Variants in ZNF90 observed in about 807,000 individuals in gnomAD.
ZNF90 encodes the protein zinc finger protein 90, also known as zinc finger protein HTF9.
A neutral mutation model predicts 12.0 loss-of-function variants in ZNF90; 11 were observed. That is an observed-to-expected ratio of 0.92 (90% CI 0.58 to 1.52). The LOEUF is 1.52. Among genes scored for constraint, ZNF90 ranks in the 40% most tolerant of loss-of-function variants. The probability of loss-of-function intolerance (pLI) is 0.00; values close to 1 mark genes in which losing one functional copy is unlikely to be tolerated. For missense variants in ZNF90, 765 were observed against 711.5 expected (o/e 1.08, Z -0.86); for synonymous variants, 232 against 240.1 (o/e 0.97, Z 0.31).
At chr19:20,087,300 A>C (rs1047939276) in intron 1 of ZNF90, 1 of 152,314 alleles carries the variant, frequency 6.6e-6, no homozygotes, top group Non-Finnish European at 1.5e-5. Flanking sequence ...AATCTTGCTC[A>C]GATGGAGATA....
chr19:20,109,699 C>T (rs1208166196), intron 3 of ZNF90, among the ~76,000 whole-genome samples: 1 of 136,480 alleles, frequency 7.3e-6, no homozygotes, highest in Non-Finnish European at 1.6e-5. Context: ...CATATGGAGA[C>T]CCATTTCTGT....
chr19:20,111,864 G>T (rs2089091919), intron 3 of ZNF90, among the ~76,000 whole-genome samples: 1 of 127,126 alleles, frequency 7.9e-6, no homozygotes, highest in Non-Finnish European at 1.5e-5. Context: ...GATTTATGCA[G>T]ATTTTTTTTT....
intron 1 of ZNF90, among the ~76,000 whole-genome samples, chr19:20,090,615 G>C (rs977771357): frequency 6.6e-6 from 1 of 152,188 alleles, no homozygotes; most frequent in African/African-American, 2.4e-5. Context: ...CGTCCAGCTA[G>C]GTTGTCTTCA....
In ZNF90 at chr19:20,119,566, G is replaced by A. The variant is rs1310429727; in HGVS notation, c.*206G>A. 2 of 530,674 alleles carry A rather than the reference G, an allele frequency of 3.8e-6. No homozygotes were observed. Among genetic ancestry groups the A allele is most frequent in the Non-Finnish European group, 6.5e-6 (2 of 305,850 alleles). 32.9% of individuals were successfully genotyped at this position (530,674 alleles called of 1,614,324 possible). A position where few individuals can be genotyped will look rare whatever the true frequency, so the allele number is the denominator to read the frequency against. ...CCCTTACTACACATAATTCATACTG[G>A]ACGGAAACTCTACAGGTGTGAAAAA... On this transcript the variant is annotated 3_prime_UTR_variant, in exon 4 of 4. Transcript: ENST00000418063.
rs190870730 is a variant in ZNF90, at chr19:20,115,074, A to C, written c.227-2707A>C. 2.0e-3 allele frequency among the ~76,000 whole-genome samples: 310 copies of C among 152,318 alleles called. 1 individual carries two copies. The Middle Eastern group carries it at 0.02, about 10-fold the overall frequency. The stretch of plus-strand genomic sequence containing the variant: ...GAAGTTTTGACTTAAATTACATTTT[A>C]TAAAATATGACAGTTTTTGACTTAA... On this transcript the variant is annotated intron_variant, in intron 3 of 3. Coordinates refer to ENST00000418063, the MANE Select transcript of ZNF90 (RefSeq NM_007138.2).
intron 3 of ZNF90, among the ~76,000 whole-genome samples, chr19:20,109,836 G>A (rs1416917582): frequency 6.6e-6 from 1 of 151,546 alleles, no homozygotes; most frequent in Non-Finnish European, 1.5e-5. Flanking sequence ...GTGAGACTCT[G>A]TCTCCAAAAA....
chr19:20,111,118 AT>A (rs1461467603), intron 3 of ZNF90, among the ~76,000 whole-genome samples: 1 of 151,850 alleles, frequency 6.6e-6, no homozygotes, highest in African/African-American at 2.4e-5. Context: ...TTTTTCCTAT[AT>A]TTTTTTGAAA....
chr19:20,113,806 G>C (rs753648774), intron 3 of ZNF90, among the ~76,000 whole-genome samples: 39 of 151,848 alleles, frequency 2.6e-4, no homozygotes, highest in Admixed American at 5.2e-4. Context: ...CCAGCCTGAG[G>C]GACAGAGTGA....
chr19:20,080,272 A>G (rs542262797), intron 1 of ZNF90: 5 of 577,358 alleles, frequency 8.7e-6, no homozygotes, highest in South Asian at 6.9e-5. Flanking sequence ...GGTACGGACT[A>G]GCTCGTTATT....
chr19:20,094,441 C>A (rs1431064366), intron 1 of ZNF90, among the ~76,000 whole-genome samples: 3 of 152,198 alleles, frequency 2.0e-5, no homozygotes, highest in East Asian at 3.9e-4. Context: ...GGGCCACGAC[C>A]TGGGCTGGGT....
chr19:20,094,438 G>A (rs1003589737), intron 1 of ZNF90, among the ~76,000 whole-genome samples: 7 of 152,210 alleles, frequency 4.6e-5, no homozygotes, highest in Admixed American at 2.0e-4. Context: ...AGCGGGCCAC[G>A]ACCTGGGCTG....
At chr19:20,095,054 G>T (rs992166583) in intron 1 of ZNF90, among the ~76,000 whole-genome samples, 1 of 151,984 alleles carries the variant, frequency 6.6e-6, no homozygotes, top group Non-Finnish European at 1.5e-5. Flanking sequence ...GCAATGAGCA[G>T]CCTGGGGAGG....
chr19:20,108,009 C>T (rs1555704627), intron 3 of ZNF90, among the ~76,000 whole-genome samples: 1 of 151,926 alleles, frequency 6.6e-6, no homozygotes, highest in African/African-American at 2.4e-5. Context: ...TAACCCTATT[C>T]TGGAAAAAAA....
chr19:20,106,044 C>CATTTTTTTTTTTTTTTTTTTTTTTTTT (rs1555704366), intron 3 of ZNF90, among the ~76,000 whole-genome samples: 3 of 71,042 alleles, frequency 4.2e-5, no homozygotes, highest in African/African-American at 1.6e-4. Flanking sequence ...CTAATTTTTT[C>CATTTTTTTTTTTTTTTTTTTTTTTTTT]TTTTTTTTTT....
rs765385197 is a variant in ZNF90 at position 20,078,116 on chromosome 19, C to T, written c.-17C>T. On this transcript the variant is annotated 5_prime_UTR_variant, in exon 1 of 4. Coordinates refer to ENST00000418063, the MANE Select transcript of ZNF90 (RefSeq NM_007138.2). ...TATTGGGAGATCCACAGCTGAGGGACCCCCGGAAGCCTAGAAATGGTGAGA... is the reference window on the plus strand; with the variant it reads ...TATTGGGAGATCCACAGCTGAGGGATCCCCGGAAGCCTAGAAATGGTGAGA... 6 of 1,613,958 alleles carry T rather than the reference C, an allele frequency of 3.7e-6. No individual in the cohort carries two copies. The highest frequency in any genetic ancestry group is 5.1e-6 in the Non-Finnish European group (6 of 1,179,964).
intron 3 of ZNF90, among the ~76,000 whole-genome samples, chr19:20,112,703 T>C (rs1479713458): frequency 1.3e-5 from 2 of 152,232 alleles, no homozygotes; most frequent in African/African-American, 4.8e-5. Context: ...ATCTTCTTTT[T>C]GAAGTAAAAT....
chr19:20,099,370 C>A (rs577420480), intron 1 of ZNF90, among the ~76,000 whole-genome samples: 1 of 152,302 alleles, frequency 6.6e-6, no homozygotes, highest in East Asian at 1.9e-4. Context: ...ATTCTCCTAA[C>A]TCTGCTTCCA....
At chr19:20,110,962 T>C (rs573616887) in intron 3 of ZNF90, among the ~76,000 whole-genome samples, 4 of 152,376 alleles carry the variant, frequency 2.6e-5, no homozygotes, top group South Asian at 2.1e-4. Context: ...TCACCCATTT[T>C]CTAAAGGACG....
rs1246285967 is a variant in ZNF90, at chr19:20,120,902, CAG to C, written c.*1546_*1547del. Reference sequence around the variant, plus strand: ...AGCATGTGATCAATTGATGCTGCATCAGAGATATTACAGATTCTTTATTGGGC... The same window carrying C: ...AGCATGTGATCAATTGATGCTGCATCAGATATTACAGATTCTTTATTGGGC... On this transcript the variant is annotated 3_prime_UTR_variant, in exon 4 of 4. Transcript: ENST00000418063. 1 of 152,188 alleles carries C rather than the reference CAG, an allele frequency of 6.6e-6. No homozygotes were observed. The highest frequency in any genetic ancestry group is 2.4e-5 in the African/African-American group (1 of 41,430). The allele number at this position is 152,188 out of a possible 1,614,324, so 9.4% of individuals were successfully genotyped here.
Sources: allele counts gnomAD v4.1 joint callset (sites outside exome capture counted in the v4.1 genomes callset), GRCh38; gene constraint gnomAD v4.1.1; transcripts MANE v1.5; gene names NCBI Gene and HGNC (gene_info 2026-07-23, HGNC 2026-07-21).